Variants in HS6ST3 observed in about 807,000 individuals in gnomAD.
HS6ST3 encodes the protein heparan sulfate 6-O-sulfotransferase 3.
A neutral mutation model predicts 36.7 loss-of-function variants in HS6ST3; 12 were observed. The observed-to-expected ratio is 0.33, with a 90% CI of 0.21 to 0.53. The LOEUF (loss-of-function observed/expected upper bound fraction) is 0.53. Ranked by LOEUF, HS6ST3 falls within the 20% of genes least tolerant of loss-of-function variation. HS6ST3 has a pLI of 0.95. For missense variants in HS6ST3, 584 were observed against 640.9 expected (o/e 0.91, Z 0.96); for synonymous variants, 240 against 257.5 (o/e 0.93, Z 0.65).
intron 1 of HS6ST3, among the ~76,000 whole-genome samples, chr13:96,538,164 G>A (rs2056163468): frequency 6.6e-6 from 1 of 152,200 alleles, no homozygotes; most frequent in Admixed American, 6.5e-5. Flanking sequence ...TATTAGCAAA[G>A]CATTTTAAAG....
At chr13:96,292,432 AT>A (rs2054834743) in intron 1 of HS6ST3, among the ~76,000 whole-genome samples, 1 of 152,058 alleles carries the variant, frequency 6.6e-6, no homozygotes. Context: ...GTCTGTTCAA[AT>A]GTTTGTTATT....
chr13:96,188,214 G>C (rs186968878), intron 1 of HS6ST3, among the ~76,000 whole-genome samples: 3 of 152,310 alleles, frequency 2.0e-5, no homozygotes, highest in East Asian at 3.9e-4. Context: ...GACATAGTAT[G>C]ATATGTAGGT....
At chr13:96,808,732 C>CA (rs1200916532) in intron 1 of HS6ST3, among the ~76,000 whole-genome samples, 9 of 152,026 alleles carry the variant, frequency 5.9e-5, no homozygotes, top group African/African-American at 1.4e-4. Flanking sequence ...AGCATAATTT[C>CA]AAAAAAGAAG....
intron 1 of HS6ST3, among the ~76,000 whole-genome samples, chr13:96,184,798 T>A (rs942842281): frequency 3.3e-5 from 5 of 152,102 alleles, no homozygotes; most frequent in Non-Finnish European, 4.4e-5. Flanking sequence ...ATAGCACACT[T>A]ACCATATTAT....
At chr13:96,662,983 G>A (rs1215831554) in intron 1 of HS6ST3, among the ~76,000 whole-genome samples, 1 of 152,120 alleles carries the variant, frequency 6.6e-6, no homozygotes, top group African/African-American at 2.4e-5. Flanking sequence ...GTTCTTTCAG[G>A]TAGTGGGCTG....
chr13:96,670,132 G>A (rs535071627), intron 1 of HS6ST3, among the ~76,000 whole-genome samples: 41 of 152,222 alleles, frequency 2.7e-4, no homozygotes, highest in African/African-American at 9.4e-4. Context: ...GAAGGAGCAA[G>A]GTCAGAGATA....
At chr13:96,547,981 GA>G (rs2056203994) in intron 1 of HS6ST3, among the ~76,000 whole-genome samples, 1 of 152,010 alleles carries the variant, frequency 6.6e-6, no homozygotes, top group South Asian at 2.1e-4. Flanking sequence ...TTATTTAGGA[GA>G]AATGCAGAAA....
intron 1 of HS6ST3, among the ~76,000 whole-genome samples, chr13:96,576,028 G>A (rs1008843812): frequency 5.3e-5 from 8 of 152,266 alleles, no homozygotes; most frequent in Non-Finnish European, 7.4e-5. Flanking sequence ...GTGGCTTCCC[G>A]AAATGGGCAG....
chr13:96,733,623 GT>G (rs1331277624), intron 1 of HS6ST3, among the ~76,000 whole-genome samples: 1 of 152,112 alleles, frequency 6.6e-6, no homozygotes, highest in Non-Finnish European at 1.5e-5. Flanking sequence ...TTTTAAAAAT[GT>G]CTTTGTAACC....
intron 1 of HS6ST3, among the ~76,000 whole-genome samples, chr13:96,523,685 C>T (rs1437314684): frequency 1.3e-5 from 2 of 152,062 alleles, no homozygotes; most frequent in East Asian, 1.9e-4. Context: ...GTATGCTTCA[C>T]GAAGTTCTTG....
At chr13:96,133,090 T>G (rs897190470) in intron 1 of HS6ST3, among the ~76,000 whole-genome samples, 4 of 152,146 alleles carry the variant, frequency 2.6e-5, no homozygotes, top group Non-Finnish European at 5.9e-5. Flanking sequence ...TTGACCTTAT[T>G]GTTTCCTTTG....
intron 1 of HS6ST3, among the ~76,000 whole-genome samples, chr13:96,723,028 A>G (rs958220776): frequency 7.2e-6 from 1 of 139,762 alleles, no homozygotes; most frequent in Non-Finnish European, 1.5e-5. Flanking sequence ...TGTGTGTACA[A>G]GATACAACAG....
intron 1 of HS6ST3, among the ~76,000 whole-genome samples, chr13:96,179,428 A>G (rs1169023691): frequency 6.6e-6 from 1 of 151,964 alleles, no homozygotes; most frequent in African/African-American, 2.4e-5. Flanking sequence ...CCATCTTTTC[A>G]CTCCTTGAGC....
At chr13:96,553,071 C>G (rs2056225605) in intron 1 of HS6ST3, among the ~76,000 whole-genome samples, 1 of 152,046 alleles carries the variant, frequency 6.6e-6, no homozygotes, top group Admixed American at 6.6e-5. Flanking sequence ...GGGTGTGGGA[C>G]CTTGGAGTGA....
At chr13:96,324,022 C>T (rs11620340) in intron 1 of HS6ST3, among the ~76,000 whole-genome samples, 2,480 of 152,172 alleles carry the variant, frequency 0.016, 35 homozygotes, top group East Asian at 0.054. Flanking sequence ...TGACAAGCCT[C>T]CTATAAATGA....
chr13:96,154,000 T>C (rs762810324), intron 1 of HS6ST3, among the ~76,000 whole-genome samples: 27 of 152,202 alleles, frequency 1.8e-4, no homozygotes, highest in Non-Finnish European at 3.4e-4. Context: ...AGACCCACGT[T>C]TTCTCAGTTG....
intron 1 of HS6ST3, among the ~76,000 whole-genome samples, chr13:96,378,838 A>G (rs1460643618): frequency 6.6e-6 from 1 of 152,162 alleles, no homozygotes; most frequent in Non-Finnish European, 1.5e-5. Flanking sequence ...TACTGTATGG[A>G]TTGGCAGTAT....
At chr13:96,600,331 C>T (rs1316939795) in intron 1 of HS6ST3, among the ~76,000 whole-genome samples, 1 of 64,716 alleles carries the variant, frequency 1.5e-5, no homozygotes, top group East Asian at 1.1e-3. Flanking sequence ...GAGTTAGGTA[C>T]ACACACACAC....
intron 1 of HS6ST3, among the ~76,000 whole-genome samples, chr13:96,152,851 C>CA (rs1044737761): frequency 9.9e-5 from 15 of 152,276 alleles, no homozygotes; most frequent in African/African-American, 3.6e-4. Flanking sequence ...TCTTAGTTCT[C>CA]ACAATTCTCA....
Sources: gnomAD v4.1 joint callset for allele counts (sites outside exome capture counted in the v4.1 genomes callset) on GRCh38, gnomAD v4.1.1 for gene constraint, MANE v1.5 for transcripts, NCBI Gene and HGNC (gene_info 2026-07-23, HGNC 2026-07-21) for gene names.